SLC2A5: variants seen among roughly 807,000 people sequenced by gnomAD.
The protein encoded by SLC2A5 is solute carrier family 2 member 5.
A neutral mutation model predicts 50.3 loss-of-function variants in SLC2A5; 56 were observed. The ratio of observed to expected loss-of-function variants is 1.11; its 90% CI spans 0.90 to 1.39. The LOEUF is 1.39. SLC2A5 is among the 40% of genes most tolerant of loss of function. The pLI, the probability that SLC2A5 is intolerant of heterozygous loss-of-function variation, is 0.00. For synonymous variants in SLC2A5, 269 were observed against 281.9 expected (o/e 0.95, Z 0.46); for missense variants, 566 against 650.1 (o/e 0.87, Z 1.41).
intron 3 of SLC2A5, among the ~76,000 whole-genome samples, 156 bp downstream of exon 3, chr1:9,057,292 T>TAAAAAAAAA (rs760221358): frequency 3.9e-5 from 4 of 103,418 alleles, no homozygotes; most frequent in African/African-American, 1.1e-4. Context: ...TCTCAAAAAT[T>TAAAAAAAAA]AAAAAAAAAA....
intron 1 of SLC2A5, among the ~76,000 whole-genome samples, chr1:9,066,373 C>T (rs1169855203): frequency 6.6e-6 from 1 of 152,042 alleles, no homozygotes; most frequent in Non-Finnish European, 1.5e-5. Flanking sequence ...GCAGCTGGGA[C>T]TATAGGCACG....
chr1:9,063,681 C>CTTTTTTTTTTTT (rs70985579), intron 1 of SLC2A5, among the ~76,000 whole-genome samples: 2 of 45,144 alleles, frequency 4.4e-5, no homozygotes, highest in Non-Finnish European at 7.4e-5. Context: ...CTATTATTTA[C>CTTTTTTTTTTTT]TTTTTTTTTT....
chr1:9,093,042 C>T (rs76973568), upstream of SLC2A5, among the ~76,000 whole-genome samples: 2,154 of 152,172 alleles, frequency 0.014, 72 homozygotes, highest in African/African-American at 0.05. Flanking sequence ...AGGGTCAAGC[C>T]CCACCTCTAC....
intron 1 of SLC2A5, among the ~76,000 whole-genome samples, chr1:9,085,495 T>G (rs1223983542): frequency 6.6e-6 from 1 of 152,114 alleles, no homozygotes; most frequent in Admixed American, 6.5e-5. Flanking sequence ...AGACCAAAGT[T>G]TTACCATGCA....
intron 2 of SLC2A5, among the ~76,000 whole-genome samples, chr1:9,076,858 C>T (rs1309287584): frequency 2.0e-5 from 3 of 150,590 alleles, no homozygotes; most frequent in Admixed American, 1.3e-4. Flanking sequence ...GGCGTGATCT[C>T]GGCTCACTGC....
chr1:9,091,193 T>TA (rs1481882665), upstream of SLC2A5, among the ~76,000 whole-genome samples: 1 of 152,198 alleles, frequency 6.6e-6, no homozygotes, highest in Non-Finnish European at 1.5e-5. Flanking sequence ...ACCAACTACT[T>TA]ACTCCCATCC....
intron 1 of SLC2A5, among the ~76,000 whole-genome samples, chr1:9,061,288 A>C (rs1426352241): frequency 6.9e-6 from 1 of 145,780 alleles, no homozygotes; most frequent in Non-Finnish European, 1.5e-5. Context: ...TCTCAAAAAA[A>C]AAAAAAAGAA....
At chr1:9,053,561 T>C (rs1483621978) in intron 3 of SLC2A5, among the ~76,000 whole-genome samples, 6 of 112,976 alleles carry the variant, frequency 5.3e-5, no homozygotes, top group African/African-American at 2.0e-4. Flanking sequence ...TTATATATAT[T>C]ATATATATTT....
At position 9,053,497 on chromosome 1, in the gene SLC2A5, A is replaced by ATTATATATTTATATATT. The variant is rs1557670838; in HGVS notation, c.293+3950_293+3951insAATATATAAATATATAA. 3.4e-3 allele frequency among the ~76,000 whole-genome samples: 106 copies of ATTATATATTTATATATT among 31,246 alleles called. 8 individuals are homozygous for ATTATATATTTATATATT. Among genetic ancestry groups the ATTATATATTTATATATT allele is most frequent in the African/African-American group, 9.6e-3 (101 of 10,470 alleles). The allele number at this position is 31,246 out of a possible 152,430, so 20.5% of individuals were successfully genotyped here. Reference sequence around the variant, plus strand: ...TTATATATATTATATATTTATATATAATATATATTATATATTTTATCTATA... The same window carrying ATTATATATTTATATATT: ...TTATATATATTATATATTTATATATATTATATATTTATATATTATATATATTATATATTTTATCTATA... On this transcript the variant is annotated intron_variant, in intron 3 of 11. Coordinates refer to ENST00000377424, the MANE Select transcript of SLC2A5 (RefSeq NM_003039.3).
intron 2 of SLC2A5, among the ~76,000 whole-genome samples, chr1:9,080,433 G>C (rs528736788): frequency 6.6e-6 from 1 of 152,312 alleles, no homozygotes; most frequent in African/African-American, 2.4e-5. Flanking sequence ...CTCACCAACA[G>C]TATATAAGAG....
chr1:9,084,752 G>GTGTGGGAACCCTGGGTTCCAGGA (rs1642387079), intron 2 of SLC2A5, among the ~76,000 whole-genome samples: 3 of 152,198 alleles, frequency 2.0e-5, no homozygotes. Flanking sequence ...ACACCCTTGG[G>GTGTGGGAACCCTGGGTTCCAGGA]TGGCCCTGGA....
At position 9,037,721 on chromosome 1, in the gene SLC2A5, G is replaced by A; in HGVS notation, c.1371C>T (p.Phe457=). Residue 457 remains phenylalanine, a synonymous_variant, in exon 12 of 12, where the codon TTC becomes TTT. Transcript: ENST00000377424. ...VICLLTTIYI[F]LIVPETKAKT... ...TGGCCTTGGTCTCCGGGACAATCAA[G>A]AAGATGTAGATGGTGGTGAGGAGGC... is the stretch of plus-strand genomic sequence containing the variant. 6.2e-7 allele frequency: 1 copy of A among 1,614,218 alleles called. No homozygotes were observed. The highest frequency in any genetic ancestry group is 8.5e-7 in the Non-Finnish European group (1 of 1,180,040).
chr1:9,046,328 C>T (rs1641433189), intron 4 of SLC2A5, among the ~76,000 whole-genome samples: 1 of 152,166 alleles, frequency 6.6e-6, no homozygotes, highest in Admixed American at 6.5e-5. Flanking sequence ...CATCTCTCCT[C>T]AGTGTGAAGC....
At chr1:9,060,827 A>T (rs1641921884) in intron 1 of SLC2A5, among the ~76,000 whole-genome samples, 1 of 151,910 alleles carries the variant, frequency 6.6e-6, no homozygotes, top group South Asian at 2.1e-4. Context: ...CATTCAACAT[A>T]TTGGGCGCCC....
intron 3 of SLC2A5, chr1:9,049,202 T>C: frequency 2.2e-6 from 1 of 455,896 alleles, no homozygotes; most frequent in East Asian, 6.9e-5. Flanking sequence ...TGTCAGCGAG[T>C]GGAGCTCCAG....
At chr1:9,087,948 C>T (rs1385636514) in intron 1 of SLC2A5, among the ~76,000 whole-genome samples, 2 of 152,104 alleles carry the variant, frequency 1.3e-5, no homozygotes, top group Admixed American at 6.5e-5. Flanking sequence ...AAAGCCAAAG[C>T]ATTTAGTTTT....
chr1:9,090,296 T>C (rs1297340216), upstream of SLC2A5, among the ~76,000 whole-genome samples: 2 of 152,210 alleles, frequency 1.3e-5, no homozygotes, highest in Non-Finnish European at 2.9e-5. Context: ...CCCCATAGTA[T>C]GGAACACTGA....
chr1:9,078,109 T>C (rs1642312910), intron 2 of SLC2A5, among the ~76,000 whole-genome samples: 1 of 152,118 alleles, frequency 6.6e-6, no homozygotes, highest in South Asian at 2.1e-4. Flanking sequence ...TCCTCCCGCT[T>C]TTAGGCCATA....
upstream of SLC2A5, among the ~76,000 whole-genome samples, chr1:9,074,123 T>C (rs1642255809): frequency 6.6e-6 from 1 of 150,426 alleles, no homozygotes; most frequent in South Asian, 2.1e-4. Flanking sequence ...ATGCAGAAAT[T>C]GTGTTTGTGT....
Sources: gnomAD v4.1 joint callset for allele counts (sites outside exome capture counted in the v4.1 genomes callset) on GRCh38, gnomAD v4.1.1 for gene constraint, MANE v1.5 for transcripts, NCBI Gene and HGNC (gene_info 2026-07-23, HGNC 2026-07-21) for gene names.